OSBPL9: variants seen among roughly 807,000 people sequenced by gnomAD.
OSBPL9 encodes the protein oxysterol-binding protein-related protein 9.
In OSBPL9, 40 loss-of-function variants were observed where a neutral mutation model predicts 106.6. That is an observed-to-expected ratio of 0.38 (90% CI 0.29 to 0.49). OSBPL9 has a LOEUF of 0.49. Among genes scored for constraint, OSBPL9 ranks in the 20% least tolerant of loss-of-function variants. The pLI, the probability that OSBPL9 is intolerant of heterozygous loss-of-function variation, is 0.97. For missense variants in OSBPL9, 609 were observed against 887.2 expected, an observed-to-expected ratio of 0.69 and a Z score of 3.98; for synonymous variants, 269 against 295.4, an observed-to-expected ratio of 0.91 and a Z score of 0.92.
At chr1:51,578,630 C>T (rs1363173210) in intron 1 of OSBPL9, among the ~76,000 whole-genome samples, 1 of 150,036 alleles carries the variant, frequency 6.7e-6, no homozygotes, top group Admixed American at 6.6e-5. Context: ...AGACTAGAAC[C>T]CAGTTCTTCT....
chr1:51,668,609 A>G (rs1401743197), intron 2 of OSBPL9, among the ~76,000 whole-genome samples: 1 of 152,162 alleles, frequency 6.6e-6, no homozygotes, highest in Non-Finnish European at 1.5e-5. Context: ...GTGACAGCCT[A>G]GGCAACAGGG....
intron 2 of OSBPL9, among the ~76,000 whole-genome samples, chr1:51,607,926 CCT>C (rs1422084517): frequency 6.6e-6 from 1 of 152,184 alleles, no homozygotes; most frequent in Non-Finnish European, 1.5e-5. Context: ...CCATCTGACC[CCT>C]GACTTGGGGT....
At chr1:51,584,769 A>AC (rs1645238250) in intron 1 of OSBPL9, among the ~76,000 whole-genome samples, 1 of 152,172 alleles carries the variant, frequency 6.6e-6, no homozygotes, top group Non-Finnish European at 1.5e-5. Context: ...GCCCTTGCAC[A>AC]TCCTCTGGTT....
intron 12 of OSBPL9, among the ~76,000 whole-genome samples, chr1:51,767,826 A>T (rs1672894049): frequency 6.6e-6 from 1 of 152,114 alleles, no homozygotes; most frequent in East Asian, 1.9e-4. Context: ...TTTTATAATA[A>T]TGGGGTTAAA....
At chr1:51,705,397 ATATTTTTTTTT>A (rs1184231902) in intron 3 of OSBPL9, among the ~76,000 whole-genome samples, 3 of 52,022 alleles carry the variant, frequency 5.8e-5, no homozygotes, top group African/African-American at 1.8e-4. Context: ...ATATATATAT[ATATTTTTTTTT>A]TTTTTTTTTT....
chr1:51,544,993 A>G, the OSBPL9 span, among the ~76,000 whole-genome samples: 1 of 151,790 alleles, frequency 6.6e-6, no homozygotes, highest in African/African-American at 2.4e-5. Flanking sequence ...ACAGGTGCCC[A>G]CTACCACTCC....
At chr1:51,725,341 A>G (rs1662926564) in intron 4 of OSBPL9, among the ~76,000 whole-genome samples, 2 of 151,720 alleles carry the variant, frequency 1.3e-5, no homozygotes, top group African/African-American at 4.8e-5. Context: ...CATGGTTTCT[A>G]CTTTGTCCAT....
At chr1:51,593,324 T>C (rs901976269) in intron 1 of OSBPL9, among the ~76,000 whole-genome samples, 1 of 152,144 alleles carries the variant, frequency 6.6e-6, no homozygotes, top group Non-Finnish European at 1.5e-5. Flanking sequence ...TCCACTTACT[T>C]TCTGAAGCAC....
intron 4 of OSBPL9, chr1:51,730,089 C>G: frequency 7.9e-7 from 1 of 1,260,752 alleles, no homozygotes; most frequent in Non-Finnish European, 1.0e-6. Flanking sequence ...GCGCGAATGT[C>G]GTGCTCACCC....
At chr1:51,736,438 A>G (rs1665725206) in intron 4 of OSBPL9, among the ~76,000 whole-genome samples, 1 of 152,090 alleles carries the variant, frequency 6.6e-6, no homozygotes, top group African/African-American at 2.4e-5. Context: ...TCTATCTGTT[A>G]GTCCTGACTA....
chr1:51,547,054 A>G, the OSBPL9 span, among the ~76,000 whole-genome samples: 2 of 152,198 alleles, frequency 1.3e-5, no homozygotes, highest in South Asian at 4.1e-4. Context: ...TGGTGGGTGT[A>G]TGGACTGGTA....
intron 3 of OSBPL9, among the ~76,000 whole-genome samples, chr1:51,689,457 A>AG (rs1260867145): frequency 6.6e-6 from 1 of 152,078 alleles, no homozygotes; most frequent in Non-Finnish European, 1.5e-5. Flanking sequence ...ATCAATGGGC[A>AG]GGTATTTTTG....
intron 9 of OSBPL9, among the ~76,000 whole-genome samples, chr1:51,757,523 T>C (rs533026653): frequency 1.8e-4 from 27 of 151,770 alleles, no homozygotes; most frequent in Non-Finnish European, 2.8e-4. Context: ...AGTTATATTA[T>C]GTTAAATAAA....
chr1:51,524,108 C>A, the OSBPL9 span, among the ~76,000 whole-genome samples: 1 of 152,202 alleles, frequency 6.6e-6, no homozygotes, highest in Non-Finnish European at 1.5e-5. Context: ...TAAATATAGT[C>A]CATCATTGTT....
chr1:51,707,245 C>T, intron 3 of OSBPL9: 1 of 282,290 alleles, frequency 3.5e-6, no homozygotes, highest in Admixed American at 3.7e-5. Context: ...TCATTGAGGG[C>T]AGTGGTGGCC....
chr1:51,619,667 C>T (rs1644309192), intron 1 of OSBPL9, among the ~76,000 whole-genome samples: 1 of 152,034 alleles, frequency 6.6e-6, no homozygotes, highest in Admixed American at 6.6e-5. Context: ...TACCCAATCT[C>T]AAATTAGAGG....
chr1:51,767,750 A>G (rs1229855300), intron 12 of OSBPL9, among the ~76,000 whole-genome samples: 1 of 152,138 alleles, frequency 6.6e-6, no homozygotes, highest in Non-Finnish European at 1.5e-5. Context: ...TGAATGTTAA[A>G]ACATAAACTA....
chr1:51,675,360 A>ATTT (rs1557673669), intron 3 of OSBPL9, among the ~76,000 whole-genome samples: 30 of 151,602 alleles, frequency 2.0e-4, no homozygotes, highest in African/African-American at 6.8e-4. Context: ...GAAATTAATT[A>ATTT]ATTAATTAAT....
chr1:51,574,880 C>G (rs945853370), upstream of OSBPL9, among the ~76,000 whole-genome samples: 7 of 152,190 alleles, frequency 4.6e-5, no homozygotes, highest in African/African-American at 1.7e-4. Context: ...TTACCCTGTT[C>G]TGTTTCTTAA....
Sources: allele counts gnomAD v4.1 joint callset (sites outside exome capture counted in the v4.1 genomes callset), GRCh38; gene constraint gnomAD v4.1.1; transcripts MANE v1.5; gene names NCBI Gene and HGNC (gene_info 2026-07-23, HGNC 2026-07-21).